Variants in GRB14 observed in about 807,000 individuals in gnomAD.
GRB14 encodes growth factor receptor bound protein 14.
GRB14 carries 38 observed loss-of-function variants against 69.1 expected under a neutral mutation model. That is an observed-to-expected ratio of 0.55 (90% CI 0.42 to 0.72). The LOEUF is 0.72. Among genes scored for constraint, GRB14 ranks in the 30% least tolerant of loss-of-function variants. GRB14 has a pLI of 0.00. For synonymous variants in GRB14, 247 were observed against 241.3 expected (o/e 1.02, Z -0.22); for missense variants, 666 against 666.1 (o/e 1.00, Z 0.00).
At chr2:164,595,430 ATTTG>A (rs966173673) in intron 2 of GRB14, among the ~76,000 whole-genome samples, 13 of 152,304 alleles carry the variant, frequency 8.5e-5, no homozygotes, top group Admixed American at 2.6e-4. Context: ...GGAGTATGTG[ATTTG>A]TTTTTCTTGA....
At chr2:164,619,877 CT>C in intron 1 of GRB14, 58 bp from the exon 2 acceptor site, 1 of 1,443,588 alleles carries the variant, frequency 6.9e-7, no homozygotes, top group South Asian at 1.2e-5. Context: ...AATATAATTG[CT>C]GTCAGGAATA....
chr2:164,512,136 T>C (rs1326823349), intron 6 of GRB14, among the ~76,000 whole-genome samples: 1 of 152,114 alleles, frequency 6.6e-6, no homozygotes, highest in Non-Finnish European at 1.5e-5. Context: ...AACAGGTAGA[T>C]TTCCAAGGTT....
chr2:164,574,287 G>C (rs1300079134), intron 2 of GRB14, among the ~76,000 whole-genome samples: 1 of 150,700 alleles, frequency 6.6e-6, no homozygotes, highest in African/African-American at 2.4e-5. Flanking sequence ...TGTCACCCAG[G>C]CTGGAATGCA....
intron 2 of GRB14, among the ~76,000 whole-genome samples, chr2:164,614,694 A>G (rs537166324): frequency 6.6e-6 from 1 of 152,220 alleles, no homozygotes; most frequent in South Asian, 2.1e-4. Flanking sequence ...CTGAGTCTGG[A>G]AAAACTACAA....
intron 6 of GRB14, among the ~76,000 whole-genome samples, chr2:164,514,590 G>T (rs1343866817): frequency 6.6e-6 from 1 of 152,172 alleles, no homozygotes; most frequent in Non-Finnish European, 1.5e-5. Flanking sequence ...TCTCACAGGG[G>T]TCCCTGGGGA....
chr2:164,597,756 A>G (rs1689818017), intron 2 of GRB14, among the ~76,000 whole-genome samples: 1 of 152,026 alleles, frequency 6.6e-6, no homozygotes, highest in African/African-American at 2.4e-5. Flanking sequence ...GTGGGAGGAG[A>G]CAAGGAAAGA....
intron 2 of GRB14, among the ~76,000 whole-genome samples, chr2:164,589,004 G>T (rs1243210539): frequency 6.6e-6 from 1 of 152,098 alleles, no homozygotes; most frequent in Non-Finnish European, 1.5e-5. Context: ...TCATTTAATG[G>T]TAGTTATGGT....
intron 1 of GRB14, 138 bp from the exon 2 acceptor site, chr2:164,619,957 G>A (rs1402275291): frequency 1.6e-6 from 1 of 643,772 alleles, no homozygotes; most frequent in Non-Finnish European, 2.7e-6. Context: ...ATATAGAAAA[G>A]GTCTGTGATG....
chr2:164,534,575 G>C (rs762547792), intron 3 of GRB14, among the ~76,000 whole-genome samples: 1 of 151,934 alleles, frequency 6.6e-6, no homozygotes, highest in Non-Finnish European at 1.5e-5. Flanking sequence ...CTCTTGCCTT[G>C]GTCTAGCCAA....
chr2:164,590,714 T>C (rs958270566), intron 2 of GRB14, among the ~76,000 whole-genome samples: 1 of 152,366 alleles, frequency 6.6e-6, no homozygotes, highest in Admixed American at 6.5e-5. Context: ...ATGGTTGAAA[T>C]CACTTTGATA....
intron 8 of GRB14, among the ~76,000 whole-genome samples, chr2:164,507,515 T>G (rs1687222776): frequency 6.6e-6 from 1 of 152,154 alleles, no homozygotes; most frequent in Non-Finnish European, 1.5e-5. Context: ...ATCAATATAT[T>G]GGCAAATTAT....
At chr2:164,501,165 T>C (rs1407480869) in intron 9 of GRB14, among the ~76,000 whole-genome samples, 1 of 152,126 alleles carries the variant, frequency 6.6e-6, no homozygotes, top group Non-Finnish European at 1.5e-5. Flanking sequence ...CCTTAGTTTC[T>C]TATTTTAGGG....
intron 3 of GRB14, among the ~76,000 whole-genome samples, chr2:164,543,959 CAT>C (rs1688301922): frequency 6.6e-6 from 1 of 152,140 alleles, no homozygotes; most frequent in South Asian, 2.1e-4. Flanking sequence ...AAATCTAATA[CAT>C]GTTAGTTTTG....
chr2:164,541,489 T>A (rs1055852649), intron 3 of GRB14, among the ~76,000 whole-genome samples: 1 of 150,736 alleles, frequency 6.6e-6, no homozygotes, highest in Non-Finnish European at 1.5e-5. Context: ...ATAATAATAA[T>A]AAATAATAAT....
At chr2:164,576,073 A>T (rs538508503) in intron 2 of GRB14, among the ~76,000 whole-genome samples, 1 of 152,174 alleles carries the variant, frequency 6.6e-6, no homozygotes, top group East Asian at 1.9e-4. Context: ...AAATAGGACA[A>T]ATAAAAATAA....
At position 164,570,275 on chromosome 2, in the gene GRB14, T is replaced by TAAAAA. The variant is rs35918859; in HGVS notation, c.325-22464_325-22460dup. Among the ~76,000 whole-genome samples the TAAAAA allele has an allele frequency of 1.7e-4, 10 of 57,224 alleles. 1 individual carries two copies. The highest frequency in any genetic ancestry group is 6.1e-4 in the African/African-American group (9 of 14,842). 37.5% of individuals were successfully genotyped at this position (57,224 alleles called of 152,430 possible). On this transcript the variant is annotated intron_variant, in intron 2 of 13. Transcript: ENST00000263915. Reference sequence around the variant, plus strand: ...CTGGGTGACAGAGCAAGACTCCATCTAAAAAAAAAAAAAAAAAAAAAAAAA... The same window carrying TAAAAA: ...CTGGGTGACAGAGCAAGACTCCATCTAAAAAAAAAAAAAAAAAAAAAAAAAAAAAA...
intron 11 of GRB14, 53 bp from the exon 12 acceptor site, chr2:164,497,148 T>G: frequency 6.3e-7 from 1 of 1,594,374 alleles, no homozygotes; most frequent in South Asian, 1.1e-5. Flanking sequence ...GACTGCAATT[T>G]CATTACATGT....
chr2:164,492,612 AT>A lies in GRB14; in HGVS notation c.*423del. Reference sequence around the variant, plus strand: ...GATAGTTTCTTTTAATTGATAAGTTATTATCATATTTCTTAACATTAAAAAA... The same window carrying A: ...GATAGTTTCTTTTAATTGATAAGTTATATCATATTTCTTAACATTAAAAAA... On this transcript the variant is annotated 3_prime_UTR_variant, in exon 14 of 14. Coordinates refer to ENST00000263915, the MANE Select transcript of GRB14 (RefSeq NM_004490.3). 1.8e-5 allele frequency among the ~76,000 whole-genome samples: 1 copy of A among 54,622 alleles called. No homozygotes were observed. Among genetic ancestry groups the A allele is most frequent in the East Asian group, 4.5e-4 (1 of 2,220 alleles). The allele number at this position is 54,622 out of a possible 152,430, so 35.8% of individuals were successfully genotyped here.
intron 8 of GRB14, among the ~76,000 whole-genome samples, chr2:164,504,614 G>C (rs1024913302): frequency 9.2e-5 from 14 of 152,132 alleles, no homozygotes; most frequent in Non-Finnish European, 2.1e-4. Context: ...ACAGGTTCCA[G>C]ATAAAGGGCC....
Sources: allele counts gnomAD v4.1 joint callset (sites outside exome capture counted in the v4.1 genomes callset), GRCh38; gene constraint gnomAD v4.1.1; transcripts MANE v1.5; gene names NCBI Gene and HGNC (gene_info 2026-07-23, HGNC 2026-07-21).